IL17B: variants seen among roughly 807,000 people sequenced by gnomAD.
The protein encoded by IL17B is interleukin-17B.
A neutral mutation model predicts 14.7 loss-of-function variants in IL17B; 14 were observed. The ratio of observed to expected loss-of-function variants is 0.95; its 90% CI spans 0.63 to 1.49. The LOEUF (loss-of-function observed/expected upper bound fraction) is 1.49, where lower values mean the gene tolerates loss of function less well. IL17B is among the 40% of genes most tolerant of loss of function. IL17B has a pLI of 0.00. For synonymous variants in IL17B, 105 were observed against 94.8 expected (o/e 1.11, Z -0.62); for missense variants, 233 against 252.8 (o/e 0.92, Z 0.53).
rs201335439 is a variant in IL17B, at chr5:149,402,688, T to TAAA, written n.95+1419_95+1420insTTT. Among the ~76,000 whole-genome samples, 48 of 118,476 alleles carry TAAA rather than the reference T, an allele frequency of 4.1e-4. 3 individuals carry two copies. The South Asian group carries it at 0.01, about 25-fold the overall frequency. The allele number at this position is 118,476 out of a possible 152,430, so 77.7% of individuals were successfully genotyped here. On this transcript the variant is annotated intron_variant and non_coding_transcript_variant, in intron 1 of 2. Coordinates refer to the IL17B transcript ENST00000505432. ...ATTTATCTTCTTTAATACCATGCTT[T>TAAA]TAAAAAAAAAAAAAAAAAAAGAACA...
chr5:149,391,273 A>G (rs1758947886), intron 1 of IL17B, among the ~76,000 whole-genome samples: 1 of 152,184 alleles, frequency 6.6e-6, no homozygotes, highest in Non-Finnish European at 1.5e-5. Flanking sequence ...GCGTTGGACC[A>G]GGATTTTGAA....
At chr5:149,400,564 G>A (rs1449346259) in intron 1 of IL17B, among the ~76,000 whole-genome samples, 2 of 152,196 alleles carry the variant, frequency 1.3e-5, no homozygotes, top group African/African-American at 4.8e-5. Context: ...CACAGCTGCA[G>A]CAGTGTATTC....
In IL17B at chr5:149,376,666, A is replaced by C. The variant is rs543776272; in HGVS notation, c.311+70T>G. Reference sequence around the variant, plus strand: ...GACCTCTGAATCTGAGATCTTAACCATTACAATGACTGGGGCACAGGAAAG... The same window carrying C: ...GACCTCTGAATCTGAGATCTTAACCCTTACAATGACTGGGGCACAGGAAAG... On this transcript the variant is annotated intron_variant, in intron 2 of 2. Transcript: ENST00000261796. 115 of 1,527,510 alleles carry C rather than the reference A, an allele frequency of 7.5e-5. No homozygotes were observed. In the African/African-American group the frequency reaches 1.5e-3, roughly 20 times the overall value. The allele number at this position is 1,527,510 out of a possible 1,614,324, so 94.6% of individuals were successfully genotyped here.
At chr5:149,391,820 A>G (rs1758974925) in intron 1 of IL17B, among the ~76,000 whole-genome samples, 2 of 152,200 alleles carry the variant, frequency 1.3e-5, no homozygotes, top group African/African-American at 4.8e-5. Flanking sequence ...ACCATTGGCT[A>G]TAAGCTCTGC....
Position 149,397,434 on chromosome 5 carries a change from G to A in IL17B, n.95+6674C>T, listed in dbSNP as rs1395132772. Among the ~76,000 whole-genome samples the A allele has an allele frequency of 2.6e-5, 4 of 152,156 alleles. No individual in the cohort carries two copies. In the South Asian group the frequency reaches 6.2e-4, roughly 24 times the overall value. ...TCCACCCGCCTTGGCCTCCCAAAATGGTAGGATTATAGGCGTGAACCACCG... is the reference window on the plus strand; with the variant it reads ...TCCACCCGCCTTGGCCTCCCAAAATAGTAGGATTATAGGCGTGAACCACCG... On this transcript the variant is annotated intron_variant and non_coding_transcript_variant, in intron 1 of 2. Coordinates refer to the IL17B transcript ENST00000505432.
intron 1 of IL17B, among the ~76,000 whole-genome samples, chr5:149,384,740 G>A (rs531025278): frequency 1.1e-4 from 17 of 152,254 alleles, no homozygotes; most frequent in South Asian, 1.0e-3. Flanking sequence ...AGCAATTCTA[G>A]TCAGCTCAAT....
At chr5:149,393,179 T>C (rs994418291) in intron 1 of IL17B, among the ~76,000 whole-genome samples, 1 of 152,208 alleles carries the variant, frequency 6.6e-6, no homozygotes, top group Non-Finnish European at 1.5e-5. Context: ...CAGAAAGTCA[T>C]CCTCTGAGTG....
intron 1 of IL17B, among the ~76,000 whole-genome samples, chr5:149,384,325 A>G (rs1758775434): frequency 1.3e-5 from 2 of 152,174 alleles, no homozygotes. Context: ...GGTTGTTAAA[A>G]TGCATTAATC....
chr5:149,393,628 T>C (rs977188147), intron 1 of IL17B, among the ~76,000 whole-genome samples: 5 of 152,242 alleles, frequency 3.3e-5, no homozygotes, highest in Non-Finnish European at 7.3e-5. Context: ...ATATTTGCAG[T>C]GGACACCTTC....
At chr5:149,376,268 G>C (rs2127616841) in intron 2 of IL17B, among the ~76,000 whole-genome samples, 1 of 152,350 alleles carries the variant, frequency 6.6e-6, no homozygotes, top group East Asian at 1.9e-4. Context: ...AGCACTTCCT[G>C]GGCCTCACCG....
Position 149,385,668 on chromosome 5 carries a change from C to T in IL17B, n.96-8643G>A, listed in dbSNP as rs961319141. 1.1e-4 allele frequency among the ~76,000 whole-genome samples: 16 copies of T among 152,342 alleles called. No individual in the cohort carries two copies. The East Asian group carries it at 2.5e-3, about 24-fold the overall frequency. On this transcript the variant is annotated intron_variant and non_coding_transcript_variant, in intron 1 of 2. Coordinates refer to the IL17B transcript ENST00000505432. ...CACTGGAGTGTCCTCCCCTCAGTCC[C>T]GGGGGATGTTTATCCTCTGCTCAGA...
upstream of IL17B, among the ~76,000 whole-genome samples, chr5:149,382,070 C>T (rs1400894056): frequency 6.6e-6 from 1 of 152,238 alleles, no homozygotes; most frequent in African/African-American, 2.4e-5. Context: ...GATGGCGCCA[C>T]TAGAAAGCCA....
intron 1 of IL17B, among the ~76,000 whole-genome samples, chr5:149,397,143 T>C (rs1404630779): frequency 6.6e-6 from 1 of 152,220 alleles, no homozygotes; most frequent in Non-Finnish European, 1.5e-5. Context: ...TATTCTGCTT[T>C]TGCAGCACCA....
chr5:149,379,863 C>G (rs777010005), upstream of IL17B, among the ~76,000 whole-genome samples: 5 of 152,186 alleles, frequency 3.3e-5, no homozygotes, highest in Non-Finnish European at 7.3e-5. Context: ...TTAGAGGTGT[C>G]AGAGCTGCTA....
At chr5:149,379,400 A>G, upstream of IL17B, 2 of 704,422 alleles carry the variant, frequency 2.8e-6, no homozygotes, top group Admixed American at 5.6e-5. Context: ...CAGCTGGCTG[A>G]GCCTAGCGCA....
At chr5:149,403,301 G>A (rs1204909106) in intron 1 of IL17B, among the ~76,000 whole-genome samples, 1 of 151,992 alleles carries the variant, frequency 6.6e-6, no homozygotes, top group Non-Finnish European at 1.5e-5. Flanking sequence ...GCCCAGGATG[G>A]TCTCAAACTC....
chr5:149,396,984 G>C (rs13356431), intron 1 of IL17B, among the ~76,000 whole-genome samples: 55,710 of 151,830 alleles, frequency 0.37, 10,758 homozygotes, highest in African/African-American at 0.49. Context: ...GGCAGGAGAG[G>C]GTTCTTGTAT....
At chr5:149,375,897 T>A (rs1581382263) in intron 2 of IL17B, among the ~76,000 whole-genome samples, 1 of 152,010 alleles carries the variant, frequency 6.6e-6, no homozygotes, top group South Asian at 2.1e-4. Context: ...AATAAAAAAA[T>A]TAATCAAAGT....
intron 1 of IL17B, among the ~76,000 whole-genome samples, chr5:149,399,542 C>T (rs1250602520): frequency 6.6e-6 from 1 of 151,884 alleles, no homozygotes; most frequent in African/African-American, 2.4e-5. Context: ...GTGGGTGGGA[C>T]AGCCTTGTGG....
Sources: allele counts gnomAD v4.1 joint callset (sites outside exome capture counted in the v4.1 genomes callset), GRCh38; gene constraint gnomAD v4.1.1; transcripts MANE v1.5; gene names NCBI Gene and HGNC (gene_info 2026-07-23, HGNC 2026-07-21).